EPS8: variants seen among roughly 807,000 people sequenced by gnomAD.
The protein encoded by EPS8 is EGFR pathway substrate 8, signaling adaptor.
In EPS8, 42 loss-of-function variants were observed where a neutral mutation model predicts 103.8. The observed-to-expected ratio is 0.40, with a 90% CI of 0.32 to 0.52. The LOEUF is 0.52. Ranked by LOEUF, EPS8 falls within the 20% of genes least tolerant of loss-of-function variation. EPS8 has a pLI of 0.40. For synonymous variants in EPS8, 344 were observed against 344.6 expected (o/e 1.00, Z 0.02); for missense variants, 969 against 1,005.1 (o/e 0.96, Z 0.49).
rs1946390498 is a variant in EPS8, at chr12:15,706,615, A to C, written c.-21-23643T>G. ...TACTAGCTGGTATACTTTCTATTGA[A>C]GCAAAACACACTTTTGTATTTTGCA... On this transcript the variant is annotated intron_variant, in intron 1 of 20. Transcript: ENST00000281172. This position sits in a 1 kb window ranked among gnomAD's most constrained non-coding sequence, Gnocchi z 5.2. Among the ~76,000 whole-genome samples the C allele has an allele frequency of 6.6e-6, 1 of 152,232 alleles. No individual in the cohort carries two copies. The highest frequency in any genetic ancestry group is 6.5e-5 in the Admixed American group (1 of 15,284).
At chr12:15,633,568 A>T (rs1945085580) in intron 17 of EPS8, among the ~76,000 whole-genome samples, 1 of 152,226 alleles carries the variant, frequency 6.6e-6, no homozygotes, top group African/African-American at 2.4e-5. Flanking sequence ...CAAACTCACC[A>T]AATGTTCTGT....
chr12:15,637,419 T>C lies in EPS8; in HGVS notation c.1821+3284A>G, dbSNP rs78365804. Among the ~76,000 whole-genome samples the C allele has an allele frequency of 8.9e-3, 1,363 of 152,336 alleles. 26 individuals carry two copies. Among genetic ancestry groups the C allele is most frequent in the African/African-American group, 0.031 (1,309 of 41,580 alleles). ...GTGCTGGGGCCCAATCCTGGCTTCA[T>C]ACAGCTGTATAAATCTGGGCAAATT... is the stretch of plus-strand genomic sequence containing the variant. On this transcript the variant is annotated intron_variant, in intron 17 of 20. Transcript: ENST00000281172.
Position 15,662,023 on chromosome 12 carries a change from T to C in EPS8, c.810+3A>G, listed in dbSNP as rs1286514751. The C allele has an allele frequency of 1.2e-6, 2 of 1,611,864 alleles. No individual in the cohort carries two copies. The highest frequency in any genetic ancestry group is 3.3e-5 in the Admixed American group (2 of 60,032). On this transcript the variant is annotated splice_donor_region_variant and intron_variant, in intron 9 of 20. Transcript: ENST00000281172. Reference sequence around the variant, plus strand: ...GTGATCTAAAGGCGACTCCTGTACTTACCACATCTCTGTCAATGCGGGCTG... The same window carrying C: ...GTGATCTAAAGGCGACTCCTGTACTCACCACATCTCTGTCAATGCGGGCTG...
chr12:15,634,993 G>A (rs554063638), intron 17 of EPS8, among the ~76,000 whole-genome samples: 14 of 152,034 alleles, frequency 9.2e-5, no homozygotes, highest in Middle Eastern at 3.2e-3. Context: ...AGTAGAAACC[G>A]TGTAAAGTAC....
intron 13 of EPS8, among the ~76,000 whole-genome samples, chr12:15,652,103 T>C (rs1274568851): frequency 6.6e-6 from 1 of 152,112 alleles, no homozygotes; most frequent in Non-Finnish European, 1.5e-5. Context: ...TCTAATAGAT[T>C]TAAGTGATCT....
chr12:15,644,535 A>G (rs1407988100), intron 15 of EPS8, among the ~76,000 whole-genome samples: 1 of 152,106 alleles, frequency 6.6e-6, no homozygotes, highest in African/African-American at 2.4e-5. Flanking sequence ...TCTACTAAAA[A>G]AACATACAAA....
chr12:15,777,797 A>G lies in EPS8; in HGVS notation c.-22+11364T>C, dbSNP rs1947222216. 6.6e-6 allele frequency among the ~76,000 whole-genome samples: 1 copy of G among 152,200 alleles called. No individual in the cohort carries two copies. The highest frequency in any genetic ancestry group is 1.5e-5 in the Non-Finnish European group (1 of 68,020). On this transcript the variant is annotated intron_variant, in intron 1 of 20. Coordinates refer to ENST00000281172, the MANE Select transcript of EPS8 (RefSeq NM_004447.6). The surrounding 1 kb of genome is among the most constrained non-coding windows in gnomAD (Gnocchi z 4.7). ...AAAAGAGTTGGGAAAGGGGGTGATG[A>G]AGGAAAGCCCACATGGTTATTTATC...
chr12:15,768,316 T>C (rs963731256), intron 1 of EPS8, among the ~76,000 whole-genome samples: 1 of 145,574 alleles, frequency 6.9e-6, no homozygotes. Context: ...CGGGCACCTG[T>C]AATCCCAGCT....
intron 1 of EPS8, among the ~76,000 whole-genome samples, chr12:15,773,465 T>TAAACAC (rs1264405432): frequency 6.6e-6 from 1 of 151,784 alleles, no homozygotes; most frequent in Non-Finnish European, 1.5e-5. Flanking sequence ...AGGACCAAAT[T>TAAACAC]ATGTGTTAAA....
In EPS8 at chr12:15,624,407, C is replaced by A; in HGVS notation, c.2045G>T (p.Arg682Leu). The change falls in exon 19 of 21, where the codon CGA (arginine) becomes CTA (leucine). Residue 682 changes from arginine (R) to leucine (L), a missense_variant and splice_region_variant. Physicochemically the swap from Arg to Leu is moderately radical, Grantham distance 102. Coordinates refer to ENST00000281172, the MANE Select transcript of EPS8 (RefSeq NM_004447.6). The part of the protein sequence containing the change: ...SQRHKQLPVD[R>L]RKSQMEEVQD... ...CACTTCCTCCATCTGAGATTTCCTT[C>A]CTAGACACCAACAGGGAGTAGGTTC... The A allele has an allele frequency of 6.4e-7, 1 of 1,556,120 alleles. No individual in the cohort carries two copies. The highest frequency in any genetic ancestry group is 1.2e-5 in the South Asian group (1 of 81,724).
rs150318203 is a variant in EPS8 at position 15,640,736 on chromosome 12, C to G, written c.1788G>C (p.Gly596=). ...DIVRPPESGL[G]RADPPYTHTI... ...TATGAGTATAAGGTGGATCAGCACG[C>G]CCCAATCCAGATTCTGGAGGTCTCA... Residue 596 remains glycine (G), a synonymous_variant, in exon 17 of 21, where the codon GGG becomes GGC. Coordinates refer to ENST00000281172, the MANE Select transcript of EPS8 (RefSeq NM_004447.6). 22 of 1,613,750 alleles carry G rather than the reference C, an allele frequency of 1.4e-5. No individual in the cohort carries two copies. The highest frequency in any genetic ancestry group is 3.3e-4 in the Middle Eastern group (2 of 6,084).
At chr12:15,682,264 T>C (rs931826077) in intron 2 of EPS8, among the ~76,000 whole-genome samples, 2 of 152,206 alleles carry the variant, frequency 1.3e-5, no homozygotes, top group African/African-American at 4.8e-5. Flanking sequence ...AGCATCATGA[T>C]TAAGAATTAC....
rs953902773 is a variant in EPS8, at chr12:15,745,753, C to G, written c.-22+43408G>C. On this transcript the variant is annotated intron_variant, in intron 1 of 20. Coordinates refer to ENST00000281172, the MANE Select transcript of EPS8 (RefSeq NM_004447.6). This position sits in a 1 kb window ranked among gnomAD's most constrained non-coding sequence, Gnocchi z 4.6. Reference sequence around the variant, plus strand: ...TTCATAGACTATCTAGATAATAGCTCAAGTTCTCTGCCTTTTAGTAGAAAC... The same window carrying G: ...TTCATAGACTATCTAGATAATAGCTGAAGTTCTCTGCCTTTTAGTAGAAAC... Among the ~76,000 whole-genome samples, 4 of 152,160 alleles carry G rather than the reference C, an allele frequency of 2.6e-5. No individual in the cohort carries two copies. The highest frequency in any genetic ancestry group is 4.4e-5 in the Non-Finnish European group (3 of 68,032).
chr12:15,648,147 C>T (rs996697041), intron 14 of EPS8, among the ~76,000 whole-genome samples: 1 of 152,170 alleles, frequency 6.6e-6, no homozygotes, highest in Admixed American at 6.5e-5. Flanking sequence ...ACAGGCCACG[C>T]ACTAGTACTG....
At chr12:15,755,363 G>A (rs1946975988) in intron 1 of EPS8, among the ~76,000 whole-genome samples, 1 of 151,958 alleles carries the variant, frequency 6.6e-6, no homozygotes, top group Non-Finnish European at 1.5e-5. Flanking sequence ...AGGAGAAAAG[G>A]GGCAAGGTAA....
chr12:15,621,489 T>C, intron 20 of EPS8, 59 bp from the exon 21 acceptor site: 1 of 895,524 alleles, frequency 1.1e-6, no homozygotes, highest in Non-Finnish European at 1.7e-6. Context: ...GCAGGTCATA[T>C]CATGAAATGG....
intron 14 of EPS8, among the ~76,000 whole-genome samples, 177 bp from the exon 15 acceptor site, chr12:15,647,437 T>TTTTGTCA: frequency 6.6e-6 from 1 of 152,330 alleles, no homozygotes; most frequent in Non-Finnish European, 1.5e-5. Flanking sequence ...TACTTACTTA[T>TTTTGTCA]AATAAGAAAA....
chr12:15,743,134 T>C (rs1322014899), intron 1 of EPS8, among the ~76,000 whole-genome samples: 4 of 151,416 alleles, frequency 2.6e-5, no homozygotes, highest in East Asian at 1.9e-4. Context: ...AAACAGAGAG[T>C]CAAATCATGA....
intron 1 of EPS8, among the ~76,000 whole-genome samples, chr12:15,755,981 C>T (rs1946982438): frequency 6.6e-6 from 1 of 152,174 alleles, no homozygotes; most frequent in Admixed American, 6.5e-5. Context: ...TAGGATTACT[C>T]TTATATCTTC....
Sources: gnomAD v4.1 joint callset for allele counts (sites outside exome capture counted in the v4.1 genomes callset) on GRCh38, gnomAD v4.1.1 for gene constraint, Gnocchi (gnomAD v3.1) non-coding constraint, MANE v1.5 for transcripts, NCBI Gene and HGNC (gene_info 2026-07-23, HGNC 2026-07-21) for gene names.